The following ADGRV1 variants were observed in gnomAD, a reference collection of about 807,000 sequenced individuals.
The protein encoded by ADGRV1 is adhesion G protein-coupled receptor V1, also known as G-protein coupled receptor 98.
A neutral mutation model predicts 596.2 loss-of-function variants in ADGRV1; 359 were observed. The observed-to-expected ratio is 0.60, with a 90% CI of 0.55 to 0.66. The LOEUF is 0.66. Among genes scored for constraint, ADGRV1 ranks in the 30% least tolerant of loss-of-function variants. The pLI is 0.00. For synonymous variants in ADGRV1, 2,681 were observed against 2,679.2 expected, an observed-to-expected ratio of 1.00 and a Z score of -0.02; for missense variants, 7,274 against 7,575.6, an observed-to-expected ratio of 0.96 and a Z score of 1.48.
chr5:90,803,222 G>T (rs1761568141), intron 71 of ADGRV1, among the ~76,000 whole-genome samples: 1 of 151,972 alleles, frequency 6.6e-6, no homozygotes, highest in African/African-American at 2.4e-5. Context: ...TTAATATTCA[G>T]ACTTTGGTTT....
intron 89 of ADGRV1, among the ~76,000 whole-genome samples, chr5:91,156,578 A>G (rs1318955554): frequency 3.9e-5 from 6 of 152,204 alleles, no homozygotes; most frequent in Admixed American, 2.6e-4. Flanking sequence ...AATTAGATCT[A>G]TATTACATTA....
chr5:91,075,559 T>G (rs1788780437), intron 86 of ADGRV1, among the ~76,000 whole-genome samples: 1 of 152,160 alleles, frequency 6.6e-6, no homozygotes, highest in Non-Finnish European at 1.5e-5. Flanking sequence ...CAATAAAATG[T>G]GAATAGAAGC....
chr5:90,898,111 T>A (rs1269293660), intron 83 of ADGRV1, among the ~76,000 whole-genome samples: 3 of 152,232 alleles, frequency 2.0e-5, no homozygotes, highest in Admixed American at 6.5e-5. Context: ...AGTATTACTT[T>A]GGAAAGTGTT....
chr5:90,926,294 T>C (rs1774439803), intron 83 of ADGRV1, among the ~76,000 whole-genome samples: 1 of 152,000 alleles, frequency 6.6e-6, no homozygotes, highest in Non-Finnish European at 1.5e-5. Flanking sequence ...CTATTGATTA[T>C]TGCCACAATT....
chr5:91,124,567 A>G (rs1253183782), intron 87 of ADGRV1, among the ~76,000 whole-genome samples: 1 of 152,208 alleles, frequency 6.6e-6, no homozygotes, highest in Non-Finnish European at 1.5e-5. Context: ...GAAAATTCCC[A>G]GTATTGACTT....
intron 71 of ADGRV1, among the ~76,000 whole-genome samples, chr5:90,804,183 C>T (rs1761679899): frequency 6.6e-6 from 1 of 151,982 alleles, no homozygotes; most frequent in Admixed American, 6.6e-5. Flanking sequence ...TGGGTGAATC[C>T]CCTGAGGTCA....
In ADGRV1 at chr5:91,152,875, C is replaced by T. The variant is rs1208783531; in HGVS notation, c.18625-346C>T. 2.6e-5 allele frequency among the ~76,000 whole-genome samples: 4 copies of T among 151,888 alleles called. No individual in the cohort carries two copies. The East Asian group carries it at 5.8e-4, about 22-fold the overall frequency. Reference sequence around the variant, plus strand: ...AATTTTCGTAGAGATGGGGGTCTTACAGTCTTGTCCAGGTGGGTCTCTAAC... The same window carrying T: ...AATTTTCGTAGAGATGGGGGTCTTATAGTCTTGTCCAGGTGGGTCTCTAAC... On this transcript the variant is annotated intron_variant, in intron 88 of 89. Transcript: ENST00000405460.
At chr5:90,771,406 T>C (rs1348517867) in intron 59 of ADGRV1, among the ~76,000 whole-genome samples, 1 of 152,314 alleles carries the variant, frequency 6.6e-6, no homozygotes, top group East Asian at 1.9e-4. Context: ...AAAATGAGGA[T>C]AATAAGGCTT....
chr5:90,901,698 A>C (rs1488615855), intron 83 of ADGRV1, among the ~76,000 whole-genome samples: 1 of 152,158 alleles, frequency 6.6e-6, no homozygotes, highest in Non-Finnish European at 1.5e-5. Flanking sequence ...TATTTATTAA[A>C]GTATAAAATA....
intron 74 of ADGRV1, among the ~76,000 whole-genome samples, chr5:90,815,366 T>C (rs1039704602): frequency 9.2e-5 from 14 of 152,094 alleles, no homozygotes; most frequent in Admixed American, 3.3e-4. Context: ...AATAGAAAAA[T>C]GAATATGTGT....
At chr5:90,671,895 A>G (rs1772519620) in intron 21 of ADGRV1, among the ~76,000 whole-genome samples, 1 of 152,214 alleles carries the variant, frequency 6.6e-6, no homozygotes. Context: ...CACTTGAAAA[A>G]AATACCTCTA....
chr5:90,627,215 C>A lies in ADGRV1; in HGVS notation c.677C>A (p.Pro226Gln). 1 of 1,512,348 alleles carries A rather than the reference C, an allele frequency of 6.6e-7. No individual in the cohort carries two copies. Among genetic ancestry groups the A allele is most frequent in the South Asian group, 1.4e-5 (1 of 72,568 alleles). 93.7% of individuals were successfully genotyped at this position (1,512,348 alleles called of 1,614,324 possible). ...CTGTTTATATTCCTTTAACAGGTAC[C>A]AGAAAATGATGAAATATTTTTAATT... ...YNLTVLDDEVPENDEIFLIQL... is the reference protein window; with the variant it reads ...YNLTVLDDEVQENDEIFLIQL... Residue 226 changes from proline (P) to glutamine (Q), a missense_variant, in exon 7 of 90, where the codon CCA becomes CAA. Transcript: ENST00000405460.
intron 83 of ADGRV1, among the ~76,000 whole-genome samples, chr5:90,874,432 ATGTAT>A (rs1769021367): frequency 2.0e-5 from 3 of 152,042 alleles, no homozygotes; most frequent in Admixed American, 6.6e-5. Flanking sequence ...TTTCTTGTTC[ATGTAT>A]TGTATTCTGT....
chr5:90,971,757 G>T (rs879995452), intron 84 of ADGRV1, among the ~76,000 whole-genome samples: 1 of 152,142 alleles, frequency 6.6e-6, no homozygotes. Flanking sequence ...ATGACAAATT[G>T]TAAAGACCAT....
intron 70 of ADGRV1, among the ~76,000 whole-genome samples, chr5:90,796,322 G>A (rs188269159): frequency 5.8e-4 from 88 of 152,006 alleles, no homozygotes; most frequent in African/African-American, 1.5e-3. Context: ...CAAGAACTTC[G>A]TGAAGCATAC....
chr5:90,684,636 G>C (rs1745374795), intron 28 of ADGRV1, among the ~76,000 whole-genome samples: 1 of 152,064 alleles, frequency 6.6e-6, no homozygotes, highest in Non-Finnish European at 1.5e-5. Context: ...CTGCTTCCTG[G>C]GCCTTGTGGA....
At chr5:91,088,445 G>A (rs1790078118) in intron 86 of ADGRV1, among the ~76,000 whole-genome samples, 1 of 152,068 alleles carries the variant, frequency 6.6e-6, no homozygotes, top group African/African-American at 2.4e-5. Flanking sequence ...TAAGTGCATG[G>A]AAACAAAACA....
rs748874938 is a variant in ADGRV1 at position 90,712,435 on chromosome 5, A to G, written c.9184+7A>G. 5 of 1,574,852 alleles carry G rather than the reference A, an allele frequency of 3.2e-6. No homozygotes were observed. The South Asian group carries it at 5.9e-5, about 19-fold the overall frequency. On this transcript the variant is annotated splice_region_variant and intron_variant, in intron 42 of 89. Transcript: ENST00000405460. Reference sequence around the variant, plus strand: ...CTAGGGAAAAATACAATAGGTAATTAATAATTTCTTATAAACAGCTTCCTC... The same window carrying G: ...CTAGGGAAAAATACAATAGGTAATTGATAATTTCTTATAAACAGCTTCCTC...
chr5:91,039,563 A>G (rs907506661), intron 85 of ADGRV1, among the ~76,000 whole-genome samples: 6 of 152,184 alleles, frequency 3.9e-5, no homozygotes, highest in African/African-American at 1.2e-4. Context: ...CTCCACAAGA[A>G]GAGGGGATTT....
Sources: allele counts gnomAD v4.1 joint callset (sites outside exome capture counted in the v4.1 genomes callset), GRCh38; gene constraint gnomAD v4.1.1; transcripts MANE v1.5; gene names NCBI Gene and HGNC (gene_info 2026-07-23, HGNC 2026-07-21).